The following SEC14L1 variants were observed in gnomAD, a reference collection of about 807,000 sequenced individuals.
SEC14L1 encodes the protein SEC14 like lipid binding 1, also known as SEC14-like protein 1.
In SEC14L1, 48 loss-of-function variants were observed where a neutral mutation model predicts 85.3. That is an observed-to-expected ratio of 0.56 (90% CI 0.45 to 0.72). The LOEUF is 0.72. SEC14L1 is among the 30% of genes least tolerant of loss of function. The pLI is 0.00. For missense variants in SEC14L1, 682 were observed against 921.4 expected (o/e 0.74, Z 3.36); for synonymous variants, 391 against 355.5 (o/e 1.10, Z -1.12).
chr17:77,107,272 A>G (rs1461254520), intron 3 of SEC14L1, among the ~76,000 whole-genome samples: 2 of 152,130 alleles, frequency 1.3e-5, no homozygotes, highest in Non-Finnish European at 2.9e-5. Context: ...GGCTCTGGGT[A>G]TTTAATCCTC....
At position 77,215,918 on chromosome 17, in the gene SEC14L1, A is replaced by C. The variant is rs113078124; in HGVS notation, c.*1895A>C. The C allele has an allele frequency of 3.3e-3, 3,156 of 958,074 alleles. 208 individuals are homozygous for C. The African/African-American group carries it at 0.052, about 16-fold the overall frequency. 59.3% of individuals were successfully genotyped at this position (958,074 alleles called of 1,614,324 possible). On this transcript the variant is annotated 3_prime_UTR_variant, in exon 17 of 17. Coordinates refer to ENST00000436233, the MANE Select transcript of SEC14L1 (RefSeq NM_001143998.2). ...GTAGGTAGGGCTAGTAGGTAGGGTT[A>C]GTAGGTAGGGTTCGTAGGTAGGGTT... is the stretch of plus-strand genomic sequence containing the variant.
In SEC14L1 at chr17:77,206,995, G is replaced by T. The variant is rs753580577; in HGVS notation, c.1476+133G>T. 6.5e-6 allele frequency: 6 copies of T among 927,384 alleles called. No homozygotes were observed. The highest frequency in any genetic ancestry group is 9.4e-6 in the Non-Finnish European group (6 of 639,400). The allele number at this position is 927,384 out of a possible 1,614,324, so 57.4% of individuals were successfully genotyped here. On this transcript the variant is annotated intron_variant, in intron 13 of 16. Coordinates refer to ENST00000436233, the MANE Select transcript of SEC14L1 (RefSeq NM_001143998.2). This position sits in a 1 kb window ranked among gnomAD's most constrained non-coding sequence, Gnocchi z 4.3. ...TGTTTTTGTTTTGTTTCTTTTGGCC[G>T]CCATTTCTCTGATCCAGGGTTAAGC...
chr17:77,203,650 C>T lies in SEC14L1; in HGVS notation c.1090C>T (p.Leu364=). ...LVRALGEEAL[L]RYVLSINEEG... ...GAGAGCGCTCGGGGAGGAAGCCCTG[C>T]TGAGATACGTAAGTGCGCGGCTGCG... The change falls in exon 10 of 17, where the codon CTG becomes TTG. Residue 364 remains leucine (L), a synonymous_variant. Coordinates refer to ENST00000436233, the MANE Select transcript of SEC14L1 (RefSeq NM_001143998.2). 1 of 1,613,042 alleles carries T rather than the reference C, an allele frequency of 6.2e-7. No homozygotes were observed. The highest frequency in any genetic ancestry group is 8.5e-7 in the Non-Finnish European group (1 of 1,179,624).
chr17:77,196,339 C>T lies in SEC14L1; in HGVS notation c.819+28C>T, dbSNP rs186180509. 104 of 1,353,962 alleles carry T rather than the reference C, an allele frequency of 7.7e-5. No individual in the cohort carries two copies. The East Asian group carries it at 1.9e-3, about 25-fold the overall frequency. 83.9% of individuals were successfully genotyped at this position (1,353,962 alleles called of 1,614,324 possible). ...GAGTGTCAGCACCACACCCAGTGTG[C>T]AGGGCCAGAGCTACGTGAAATCATG... On this transcript the variant is annotated intron_variant, in intron 8 of 16. Transcript: ENST00000436233.
upstream of SEC14L1, among the ~76,000 whole-genome samples, chr17:77,137,560 T>A (rs1024361575): frequency 5.3e-5 from 8 of 152,150 alleles, no homozygotes; most frequent in Non-Finnish European, 1.0e-4. Context: ...GGATTACAAT[T>A]CAACATGAGA....
intron 3 of SEC14L1, among the ~76,000 whole-genome samples, chr17:77,106,299 T>C (rs1971912899): frequency 1.3e-5 from 2 of 152,064 alleles, no homozygotes; most frequent in African/African-American, 4.8e-5. Context: ...TTTGGGAGGC[T>C]AAGGTGGGCG....
intron 3 of SEC14L1, among the ~76,000 whole-genome samples, chr17:77,151,920 G>C (rs1973577701): frequency 6.6e-6 from 1 of 152,102 alleles, no homozygotes; most frequent in African/African-American, 2.4e-5. Context: ...CAGATTTCAG[G>C]TATCTTGTTA....
At chr17:77,157,518 TTTCTATTATAAC>T (rs1973863383) in intron 3 of SEC14L1, among the ~76,000 whole-genome samples, 1 of 151,148 alleles carries the variant, frequency 6.6e-6, no homozygotes, top group African/African-American at 2.4e-5. Context: ...AGGAGGGTGG[TTTCTATTATAAC>T]TTTTTTTTTT....
At chr17:77,203,456 T>C (rs530160147) in intron 9 of SEC14L1, 114 bp from the exon 10 acceptor site, 4 of 861,074 alleles carry the variant, frequency 4.6e-6, no homozygotes, top group Admixed American at 2.8e-5. Context: ...CAGAAAGACT[T>C]TTAAGCGCCC....
intron 3 of SEC14L1, among the ~76,000 whole-genome samples, chr17:77,179,227 A>G (rs1474639459): frequency 3.3e-5 from 5 of 152,152 alleles, no homozygotes; most frequent in Non-Finnish European, 4.4e-5. Context: ...TCAAAAGTAA[A>G]CATAGCTGCT....
chr17:77,121,233 C>T (rs1004198180), intron 3 of SEC14L1, among the ~76,000 whole-genome samples: 4 of 151,934 alleles, frequency 2.6e-5, no homozygotes, highest in Admixed American at 1.3e-4. Flanking sequence ...TGGCTACTGC[C>T]GACAAAGCAA....
chr17:77,094,879 G>C (rs1971603077), intron 3 of SEC14L1: 2 of 152,196 alleles, frequency 1.3e-5, no homozygotes, highest in Non-Finnish European at 2.9e-5. Flanking sequence ...TTTAGAGGAA[G>C]GAAATGTATT....
chr17:77,103,963 C>T (rs955259080), intron 3 of SEC14L1, among the ~76,000 whole-genome samples: 1 of 151,592 alleles, frequency 6.6e-6, no homozygotes, highest in African/African-American at 2.4e-5. Context: ...ACGCCCTGCC[C>T]CTGTCCTTCC....
At chr17:77,196,127 C>G (rs1465526509) in intron 7 of SEC14L1, 75 bp from the exon 8 acceptor site, 1 of 1,157,440 alleles carries the variant, frequency 8.6e-7, no homozygotes, top group Non-Finnish European at 1.3e-6. Context: ...CACGTTAACT[C>G]CACTGAGCAC....
intron 3 of SEC14L1, among the ~76,000 whole-genome samples, chr17:77,123,248 A>G (rs1377399626): frequency 6.6e-6 from 1 of 150,990 alleles, no homozygotes; most frequent in South Asian, 2.1e-4. Context: ...ATGGGGATTC[A>G]CCATGTTGGC....
chr17:77,146,100 A>G lies in SEC14L1; in HGVS notation c.63+2441A>G, dbSNP rs539647186. Among the ~76,000 whole-genome samples, 244 of 152,198 alleles carry G rather than the reference A, an allele frequency of 1.6e-3. 2 individuals carry two copies. The highest frequency in any genetic ancestry group is 5.6e-3 in the African/African-American group (234 of 41,526). ...GACCCCTGCCCTGGTCCTGGGTTTG[A>G]GGATATTGGCTAGCCTGTGGATTGT... On this transcript the variant is annotated intron_variant, in intron 3 of 16. Coordinates refer to ENST00000436233, the MANE Select transcript of SEC14L1 (RefSeq NM_001143998.2).
At chr17:77,114,041 G>A (rs1296184045) in intron 3 of SEC14L1, among the ~76,000 whole-genome samples, 1 of 152,150 alleles carries the variant, frequency 6.6e-6, no homozygotes, top group Non-Finnish European at 1.5e-5. Flanking sequence ...GAGAGATCCC[G>A]GCTGCTAAAT....
At chr17:77,148,248 A>G (rs563136691) in intron 3 of SEC14L1, among the ~76,000 whole-genome samples, 30 of 152,068 alleles carry the variant, frequency 2.0e-4, no homozygotes, top group African/African-American at 7.0e-4. Context: ...GCCCTTAAGG[A>G]GAGTTGTGGG....
chr17:77,186,645 G>C lies in SEC14L1; in HGVS notation c.64-4158G>C, dbSNP rs531982205. ...GTGAGATACAGGCAAGAAAACTGAG[G>C]GTGACTTTGAAGGAATTGTAGTAAA... On this transcript the variant is annotated intron_variant, in intron 3 of 16. Transcript: ENST00000436233. 3.9e-5 allele frequency among the ~76,000 whole-genome samples: 6 copies of C among 152,316 alleles called. No individual in the cohort carries two copies. The East Asian group carries it at 1.2e-3, about 29-fold the overall frequency.
Sources: allele counts gnomAD v4.1 joint callset (sites outside exome capture counted in the v4.1 genomes callset), GRCh38; gene constraint gnomAD v4.1.1; non-coding constraint Gnocchi (gnomAD v3.1); transcripts MANE v1.5; gene names NCBI Gene and HGNC (gene_info 2026-07-23, HGNC 2026-07-21).